TENM2: variants seen among roughly 807,000 people sequenced by gnomAD.
TENM2 encodes teneurin-2.
In TENM2, 52 loss-of-function variants were observed where a neutral mutation model predicts 245.2. The ratio of observed to expected loss-of-function variants is 0.21; its 90% CI spans 0.17 to 0.27. The LOEUF (loss-of-function observed/expected upper bound fraction) is 0.27. Among genes scored for constraint, TENM2 ranks in the 10% least tolerant of loss-of-function variants. TENM2 has a pLI of 1.00. For synonymous variants in TENM2, 1,363 were observed against 1,438.9 expected (o/e 0.95, Z 1.19); for missense variants, 3,046 against 3,666.8 (o/e 0.83, Z 4.37).
At chr5:167,926,718 CCACACACACACACACACACACA>C (rs750351497) in intron 3 of TENM2, among the ~76,000 whole-genome samples, 1 of 136,716 alleles carries the variant, frequency 7.3e-6, no homozygotes, top group Admixed American at 7.5e-5. Flanking sequence ...TGAGATTCCA[CCACACACACACACACACACACA>C]CACACACACA....
chr5:167,773,998 C>G (rs1446227978), intron 2 of TENM2, among the ~76,000 whole-genome samples: 1 of 152,094 alleles, frequency 6.6e-6, no homozygotes, highest in East Asian at 1.9e-4. Context: ...GTGATTCAAG[C>G]AAGCTAACAA....
At chr5:167,761,373 G>A (rs138039016) in intron 2 of TENM2, among the ~76,000 whole-genome samples, 23 of 152,018 alleles carry the variant, frequency 1.5e-4, no homozygotes, top group East Asian at 5.8e-4. Context: ...CCAGAATGCC[G>A]TCTGATACAT....
intron 2 of TENM2, among the ~76,000 whole-genome samples, chr5:167,687,611 T>C (rs189889350): frequency 1.3e-5 from 2 of 152,342 alleles, no homozygotes; most frequent in East Asian, 1.9e-4. Context: ...GATGTTTCAG[T>C]TGAGATATTT....
chr5:167,273,527 T>G, the TENM2 span, among the ~76,000 whole-genome samples: 6 of 152,312 alleles, frequency 3.9e-5, no homozygotes, highest in African/African-American at 1.4e-4. Flanking sequence ...ATACATTTAT[T>G]AAAAGATGGC....
intron 3 of TENM2, among the ~76,000 whole-genome samples, chr5:167,877,022 C>T (rs551430475): frequency 8.5e-5 from 13 of 152,216 alleles, no homozygotes; most frequent in South Asian, 2.1e-4. Context: ...AACATCTGAA[C>T]GTAGGAACGG....
the TENM2 span, among the ~76,000 whole-genome samples, chr5:166,995,086 T>C: frequency 1.3e-5 from 2 of 151,866 alleles, no homozygotes; most frequent in Non-Finnish European, 2.9e-5. Flanking sequence ...GTCAGAGAGG[T>C]TGCTATATTT....
At chr5:167,072,725 A>T in the TENM2 span, among the ~76,000 whole-genome samples, 32 of 152,360 alleles carry the variant, frequency 2.1e-4, no homozygotes, top group South Asian at 5.4e-3. Context: ...GTTATATGAT[A>T]TACCCCACAT....
intron 1 of TENM2, among the ~76,000 whole-genome samples, chr5:167,360,796 G>A (rs768086118): frequency 6.6e-6 from 1 of 152,148 alleles, no homozygotes; most frequent in Non-Finnish European, 1.5e-5. Context: ...TTTCATGAAT[G>A]AGAAGACTGG....
the TENM2 span, among the ~76,000 whole-genome samples, chr5:167,202,552 G>T: frequency 6.6e-6 from 1 of 152,090 alleles, no homozygotes; most frequent in South Asian, 2.1e-4. Flanking sequence ...TTCATTTGCT[G>T]GTTTCCTTTG....
intron 2 of TENM2, among the ~76,000 whole-genome samples, chr5:167,527,629 G>C (rs1341304710): frequency 1.3e-5 from 2 of 152,078 alleles, no homozygotes; most frequent in African/African-American, 4.8e-5. Context: ...ATTCACCTGT[G>C]ATCTCATAAT....
intron 3 of TENM2, among the ~76,000 whole-genome samples, chr5:167,904,626 C>G (rs1427562169): frequency 6.6e-6 from 1 of 152,190 alleles, no homozygotes; most frequent in Non-Finnish European, 1.5e-5. Context: ...AAAACAGCAT[C>G]AGAAAGTGAT....
At chr5:167,974,551 T>G (rs1255682630) in intron 4 of TENM2, among the ~76,000 whole-genome samples, 1 of 152,206 alleles carries the variant, frequency 6.6e-6, no homozygotes, top group Non-Finnish European at 1.5e-5. Flanking sequence ...ATAGCCAACA[T>G]TTATTGAGGA....
chr5:168,200,246 G>A (rs978162379), intron 17 of TENM2, 115 bp downstream of exon 19: 5 of 926,526 alleles, frequency 5.4e-6, no homozygotes, highest in South Asian at 1.7e-5. Context: ...ATAAGGACAC[G>A]ATGGCCAAGA....
chr5:167,444,298 TACACACACACAC>T (rs140953889), intron 2 of TENM2, among the ~76,000 whole-genome samples: 4 of 150,396 alleles, frequency 2.7e-5, no homozygotes, highest in African/African-American at 4.9e-5. Flanking sequence ...CACATACACA[TACACACACACAC>T]ACACACACAC....
chr5:167,613,608 T>G (rs981210904), intron 2 of TENM2, among the ~76,000 whole-genome samples: 3 of 152,138 alleles, frequency 2.0e-5, no homozygotes, highest in African/African-American at 7.2e-5. Flanking sequence ...ACCAGCCCAG[T>G]GTCACCCACT....
chr5:167,795,294 G>T (rs1025084262), intron 2 of TENM2, among the ~76,000 whole-genome samples: 1 of 152,158 alleles, frequency 6.6e-6, no homozygotes, highest in Non-Finnish European at 1.5e-5. Flanking sequence ...AAGAAATAGA[G>T]ATTGGTACAG....
chr5:168,078,349 A>G (rs1791668239), intron 7 of TENM2, among the ~76,000 whole-genome samples: 1 of 152,060 alleles, frequency 6.6e-6, no homozygotes, highest in Non-Finnish European at 1.5e-5. Context: ...AGATGGGTAG[A>G]CTGTAAAAAT....
At chr5:167,091,397 A>G in the TENM2 span, among the ~76,000 whole-genome samples, 25 of 152,322 alleles carry the variant, frequency 1.6e-4, 2 homozygotes, top group East Asian at 2.3e-3. Context: ...GCATGTTGTG[A>G]TATACTTATA....
In TENM2 at chr5:168,149,719, G is replaced by T. The variant is rs141474010; in HGVS notation, c.2423-12892G>T. On this transcript the variant is annotated intron_variant, in intron 12 of 28. Coordinates refer to ENST00000518659, the Ensembl canonical transcript of TENM2. ...GCCTTTAAAAACTCATGTCAGATCA[G>T]GCCACTCCTCTGCTCAAAAGCTTCC... is the stretch of plus-strand genomic sequence containing the variant. Among the ~76,000 whole-genome samples, 75 of 152,242 alleles carry T rather than the reference G, an allele frequency of 4.9e-4. No homozygotes were observed. The East Asian group carries it at 0.013, about 27-fold the overall frequency.
Sources: gnomAD v4.1 joint callset for allele counts (sites outside exome capture counted in the v4.1 genomes callset) on GRCh38, gnomAD v4.1.1 for gene constraint, MANE v1.5 for transcripts, NCBI Gene and HGNC (gene_info 2026-07-23, HGNC 2026-07-21) for gene names.